The following EXD1 variants were observed in gnomAD, a reference collection of about 807,000 sequenced individuals.
The protein encoded by EXD1 is piRNA biogenesis protein EXD1.
Under a neutral mutation model 49.1 loss-of-function variants are expected in EXD1, and 63 were observed. The ratio of observed to expected loss-of-function variants is 1.28; its 90% confidence interval spans 1.05 to 1.58. EXD1 has a LOEUF of 1.58. Ranked by LOEUF, EXD1 falls within the 40% of genes most tolerant of loss-of-function variation. The pLI, the probability that EXD1 is intolerant of heterozygous loss-of-function variation, is 0.00. For missense variants in EXD1, 748 were observed against 666.0 expected, an observed-to-expected ratio of 1.12 and a Z score of -1.36; for synonymous variants, 234 against 239.2, an observed-to-expected ratio of 0.98 and a Z score of 0.20.
intron 2 of EXD1, among the ~76,000 whole-genome samples, chr15:41,223,427 AT>A (rs2047118953): frequency 1.3e-5 from 2 of 151,342 alleles, no homozygotes; most frequent in Admixed American, 6.6e-5. Flanking sequence ...GTCAAAAAAA[AT>A]TTTTTTTCGG....
intron 7 of EXD1, among the ~76,000 whole-genome samples, chr15:41,196,863 T>A (rs922919864): frequency 2.0e-5 from 3 of 152,108 alleles, no homozygotes; most frequent in African/African-American, 7.2e-5. Context: ...CCTTGCTCTG[T>A]CACCCGGGCT....
Position 41,230,659 on chromosome 15 carries a change from T to C in EXD1, c.-234A>G. The C allele has an allele frequency of 2.6e-6, 3 of 1,174,778 alleles. No homozygotes were observed. Among genetic ancestry groups the C allele is most frequent in the East Asian group, 2.5e-5 (1 of 40,364 alleles). 72.8% of individuals were successfully genotyped at this position (1,174,778 alleles called of 1,614,324 possible). A position where few individuals can be genotyped will look rare whatever the true frequency, so the allele number is the denominator to read the frequency against. Reference sequence around the variant, plus strand: ...GACGCTCCACGCCACCCGGCGGCGGTTATCAAATCACAGGCTGAAAACCTG... The same window carrying C: ...GACGCTCCACGCCACCCGGCGGCGGCTATCAAATCACAGGCTGAAAACCTG... On this transcript the variant is annotated 5_prime_UTR_variant, in exon 1 of 12. Coordinates refer to ENST00000458580, the MANE Select transcript of EXD1 (RefSeq NM_001286441.2).
intron 7 of EXD1, among the ~76,000 whole-genome samples, chr15:41,199,434 A>C (rs1238745503): frequency 2.7e-5 from 4 of 149,708 alleles, no homozygotes; most frequent in Admixed American, 6.7e-5. Context: ...AAAAAAAAAA[A>C]CACAAAAGGC....
At chr15:41,214,062 G>C (rs942545645) in intron 6 of EXD1, among the ~76,000 whole-genome samples, 1 of 152,160 alleles carries the variant, frequency 6.6e-6, no homozygotes, top group Admixed American at 6.6e-5. Context: ...AGCTACTCGG[G>C]AGGCTGAGGC....
At chr15:41,197,611 C>G (rs552110236) in intron 7 of EXD1, among the ~76,000 whole-genome samples, 1 of 151,424 alleles carries the variant, frequency 6.6e-6, no homozygotes, top group Non-Finnish European at 1.5e-5. Context: ...TTGTGATTTT[C>G]AAAAGCAAAG....
intron 7 of EXD1, among the ~76,000 whole-genome samples, chr15:41,197,218 T>C (rs903494406): frequency 9.9e-5 from 15 of 151,418 alleles, no homozygotes; most frequent in Non-Finnish European, 2.1e-4. Context: ...ATCACTGTGA[T>C]TTTCTTTTTT....
Position 41,215,812 on chromosome 15 carries a change from G to C in EXD1, c.410C>G (p.Thr137Arg), listed in dbSNP as rs2046991527. ...SPSEEEEVTY[T>R]VINQFQQKFG... Reference sequence around the variant, plus strand: ...CTTCTGCTGGAATTGATTAATGACTGTGTATGTCACCTCCTCTTCCTCTAC... The same window carrying C: ...CTTCTGCTGGAATTGATTAATGACTCTGTATGTCACCTCCTCTTCCTCTAC... The change falls in exon 6 of 12, where the codon ACA becomes AGA. Residue 137 changes from threonine to arginine, a missense_variant. Transcript: ENST00000458580. The C allele has an allele frequency of 1.2e-6, 2 of 1,613,824 alleles. No homozygotes were observed. Among genetic ancestry groups the C allele is most frequent in the Non-Finnish European group, 1.7e-6 (2 of 1,179,940 alleles).
At chr15:41,210,597 G>A (rs2046906563) in intron 6 of EXD1, among the ~76,000 whole-genome samples, 3 of 151,960 alleles carry the variant, frequency 2.0e-5, no homozygotes, top group Admixed American at 6.6e-5. Flanking sequence ...GGCTAAAGTG[G>A]GAGGATCACT....
At chr15:41,221,235 C>T (rs1467903870) in intron 2 of EXD1, among the ~76,000 whole-genome samples, 1 of 152,124 alleles carries the variant, frequency 6.6e-6, no homozygotes, top group Non-Finnish European at 1.5e-5. Context: ...AAAAAACAGT[C>T]AGGATTTAAA....
rs1367856457 is a variant in EXD1 at position 41,215,837 on chromosome 15, C to T, written c.389-4G>A. The T allele has an allele frequency of 6.2e-7, 1 of 1,613,670 alleles. No homozygotes were observed. On this transcript the variant is annotated splice_region_variant and splice_polypyrimidine_tract_variant and intron_variant, in intron 5 of 11. Transcript: ENST00000458580. ...GTGTATGTCACCTCCTCTTCCTCTACAAGACAAGGATTGCATTAGATATAT... is the reference window on the plus strand; with the variant it reads ...GTGTATGTCACCTCCTCTTCCTCTATAAGACAAGGATTGCATTAGATATAT...
At chr15:41,218,061 G>C (rs2047028185) in intron 3 of EXD1, among the ~76,000 whole-genome samples, 1 of 152,116 alleles carries the variant, frequency 6.6e-6, no homozygotes, top group Non-Finnish European at 1.5e-5. Context: ...ACTATCCTTT[G>C]AGCTTAAAAA....
Position 41,183,790 on chromosome 15 carries a change from G to T in EXD1, c.*141C>A. 1 of 702,550 alleles carries T rather than the reference G, an allele frequency of 1.4e-6. No individual in the cohort carries two copies. The highest frequency in any genetic ancestry group is 2.3e-6 in the Non-Finnish European group (1 of 435,276). 43.5% of individuals were successfully genotyped at this position (702,550 alleles called of 1,614,324 possible). ...TCATTCTCCGCATACCAGGAACACAGGAGTAAGCAAGAGGATATAATTTTC... is the reference window on the plus strand; with the variant it reads ...TCATTCTCCGCATACCAGGAACACATGAGTAAGCAAGAGGATATAATTTTC... On this transcript the variant is annotated 3_prime_UTR_variant, in exon 12 of 12. Coordinates refer to ENST00000458580, the MANE Select transcript of EXD1 (RefSeq NM_001286441.2).
intron 7 of EXD1, among the ~76,000 whole-genome samples, chr15:41,196,270 CT>C (rs1293827437): frequency 1.3e-5 from 2 of 151,358 alleles, no homozygotes; most frequent in East Asian, 3.9e-4. Flanking sequence ...CCTCGGCCTC[CT>C]GATAGCTGTG....
intron 2 of EXD1, among the ~76,000 whole-genome samples, chr15:41,225,587 G>GAA (rs57943891): frequency 5.3e-4 from 73 of 137,276 alleles, no homozygotes; most frequent in Admixed American, 1.1e-3. Flanking sequence ...CTCATTCTCA[G>GAA]AAAAAAAAAA....
intron 2 of EXD1, among the ~76,000 whole-genome samples, chr15:41,226,125 G>C (rs989694009): frequency 1.3e-5 from 2 of 151,488 alleles, no homozygotes; most frequent in African/African-American, 4.9e-5. Flanking sequence ...GGTGGCGGGT[G>C]TCTGTAGTCC....
chr15:41,199,196 TG>T (rs2046667284), intron 7 of EXD1, among the ~76,000 whole-genome samples: 1 of 151,974 alleles, frequency 6.6e-6, no homozygotes, highest in Non-Finnish European at 1.5e-5. Flanking sequence ...TGACCTCAGG[TG>T]ATCCGCCTGC....
intron 6 of EXD1, among the ~76,000 whole-genome samples, chr15:41,210,594 G>A (rs2046906489): frequency 6.6e-6 from 1 of 152,022 alleles, no homozygotes; most frequent in African/African-American, 2.4e-5. Context: ...GGAGGCTAAA[G>A]TGGGAGGATC....
intron 7 of EXD1, among the ~76,000 whole-genome samples, chr15:41,200,690 C>T (rs1314908427): frequency 6.6e-6 from 1 of 152,042 alleles, no homozygotes; most frequent in Non-Finnish European, 1.5e-5. Flanking sequence ...GTGAATGGCA[C>T]CTGAAGTTGA....
chr15:41,184,057 C>T lies in EXD1; in HGVS notation c.1593G>A (p.Gln531=). Residue 531 remains glutamine, a synonymous_variant, in exon 12 of 12, where the codon CAG becomes CAA. Transcript: ENST00000458580. ...TGTCACTTGGAGACACTCTGGTTTC[C>T]TGAGGAAAGGAAGACATTGAAACAG... is the stretch of plus-strand genomic sequence containing the variant. The part of the protein sequence containing the change: ...KQAVSMSSFP[Q]ETRVSPSDTF... The T allele has an allele frequency of 6.2e-7, 1 of 1,614,162 alleles. No individual in the cohort carries two copies. The highest frequency in any genetic ancestry group is 8.5e-7 in the Non-Finnish European group (1 of 1,180,020).
Sources: gnomAD v4.1 joint callset for allele counts (sites outside exome capture counted in the v4.1 genomes callset) on GRCh38, gnomAD v4.1.1 for gene constraint, MANE v1.5 for transcripts, NCBI Gene and HGNC (gene_info 2026-07-23, HGNC 2026-07-21) for gene names.